Variants in TYW1B observed in about 807,000 individuals in gnomAD.
TYW1B encodes S-adenosyl-L-methionine-dependent tRNA 4-demethylwyosine synthase TYW1B.
Under a neutral mutation model 86.9 loss-of-function variants are expected in TYW1B, and 73 were observed. That is an observed-to-expected ratio of 0.84 (90% CI 0.70 to 1.02). The LOEUF is 1.02. TYW1B is among the 50% of genes least tolerant of loss of function. The probability of loss-of-function intolerance (pLI) is 0.00; values close to 1 mark genes in which losing one functional copy is unlikely to be tolerated. For synonymous variants in TYW1B, 248 were observed against 292.8 expected (o/e 0.85, Z 1.56); for missense variants, 637 against 827.4 (o/e 0.77, Z 2.82).
chr7:72,611,633 A>G (rs1811935630), intron 13 of TYW1B, among the ~76,000 whole-genome samples: 1 of 152,186 alleles, frequency 6.6e-6, no homozygotes, highest in South Asian at 2.1e-4. Context: ...AGTCTCGGGT[A>G]TGTCTTTATC....
rs782750618 is a variant in TYW1B at position 72,758,477 on chromosome 7, TTC to T, written c.965-13878_965-13877del. Among the ~76,000 whole-genome samples, 17 of 152,238 alleles carry T rather than the reference TTC, an allele frequency of 1.1e-4. No individual in the cohort carries two copies. In the South Asian group the frequency reaches 2.1e-3, roughly 19 times the overall value. Reference sequence around the variant, plus strand: ...ATTTTTTTCTCTTAGAAAAAAATTTTTCTCTCTCTGTTTGTTATCTGGTTCAC... The same window carrying T: ...ATTTTTTTCTCTTAGAAAAAAATTTTTCTCTCTGTTTGTTATCTGGTTCAC... On this transcript the variant is annotated intron_variant, in intron 7 of 13. Coordinates refer to ENST00000620995, the MANE Select transcript of TYW1B (RefSeq NM_001145440.3).
At chr7:72,741,151 A>G (rs768852373) in intron 8 of TYW1B, among the ~76,000 whole-genome samples, 1 of 152,140 alleles carries the variant, frequency 6.6e-6, no homozygotes, top group Non-Finnish European at 1.5e-5. Context: ...CATTAGACCA[A>G]CTAAAAAAAT....
At position 72,612,084 on chromosome 7, in the gene TYW1B, C is replaced by T. The variant is rs1470465593; in HGVS notation, c.1785+4588G>A. On this transcript the variant is annotated intron_variant, in intron 13 of 13. Coordinates refer to ENST00000620995, the MANE Select transcript of TYW1B (RefSeq NM_001145440.3). ...CTTTCTCGATGGGTTCTCGCTCTGTCGCCCAGGCTGGAATCCTTCTAGGTA... is the reference window on the plus strand; with the variant it reads ...CTTTCTCGATGGGTTCTCGCTCTGTTGCCCAGGCTGGAATCCTTCTAGGTA... Among the ~76,000 whole-genome samples, 8 of 151,944 alleles carry T rather than the reference C, an allele frequency of 5.3e-5. No individual in the cohort carries two copies. In the South Asian group the frequency reaches 1.0e-3, roughly 20 times the overall value.
At chr7:72,609,210 T>C (rs1811873790) in intron 13 of TYW1B, among the ~76,000 whole-genome samples, 1 of 152,182 alleles carries the variant, frequency 6.6e-6, no homozygotes, top group Non-Finnish European at 1.5e-5. Flanking sequence ...AAGTAGTCCT[T>C]CATTCAACAT....
intron 13 of TYW1B, among the ~76,000 whole-genome samples, chr7:72,605,414 CGCAATCTCGGCTCACT>C: frequency 6.6e-6 from 1 of 150,444 alleles, no homozygotes; most frequent in East Asian, 2.0e-4. Flanking sequence ...AGTGCAGTGG[CGCAATCTCGGCTCACT>C]GCAATCTCCG....
At chr7:72,719,051 T>C (rs1173683111) in intron 9 of TYW1B, among the ~76,000 whole-genome samples, 1 of 152,166 alleles carries the variant, frequency 6.6e-6, no homozygotes. Flanking sequence ...ATAAGCTACA[T>C]GAAATACTTA....
At chr7:72,737,302 C>T (rs1554461147) in intron 8 of TYW1B, among the ~76,000 whole-genome samples, 1 of 152,170 alleles carries the variant, frequency 6.6e-6, no homozygotes, top group African/African-American at 2.4e-5. Context: ...CATATTAGTC[C>T]TTCTTTACCA....
In TYW1B at chr7:72,575,162, A is replaced by C; in HGVS notation, c.*336T>G. 9.2e-7 allele frequency: 1 copy of C among 1,091,800 alleles called. No homozygotes were observed. Among genetic ancestry groups the C allele is most frequent in the Non-Finnish European group, 1.1e-6 (1 of 896,682 alleles). 67.6% of individuals were successfully genotyped at this position (1,091,800 alleles called of 1,614,324 possible). A position where few individuals can be genotyped will look rare whatever the true frequency, so the allele number is the denominator to read the frequency against. On this transcript the variant is annotated 3_prime_UTR_variant, in exon 14 of 14. Transcript: ENST00000620995. ...CCCAGGGATTTCTTCCTTGTCTGAC[A>C]CTCTCAGGACTAGCATTCTGGCAGG...
chr7:72,708,957 A>T (rs1313822960), intron 10 of TYW1B, among the ~76,000 whole-genome samples: 1 of 152,184 alleles, frequency 6.6e-6, no homozygotes. Context: ...TAGATAATTC[A>T]CATCTTTCAT....
intron 7 of TYW1B, among the ~76,000 whole-genome samples, chr7:72,758,781 T>C (rs948165471): frequency 3.9e-5 from 6 of 152,206 alleles, no homozygotes; most frequent in African/African-American, 7.2e-5. Context: ...TTTTCTAGTA[T>C]AAAGAAAAGT....
chr7:72,575,693 T>C lies in TYW1B; in HGVS notation c.1812A>G (p.Thr604=), dbSNP rs781847847. Residue 604 remains threonine, a synonymous_variant, in exon 14 of 14, where the codon ACA becomes ACG. Coordinates refer to ENST00000620995, the MANE Select transcript of TYW1B (RefSeq NM_001145440.3). ...CCTGGAAGCGGTTATAATCGATCCA[T>C]GTCCACCATTCACCACCAATTTTAA... ...RKFKIGGEWW[T]WIDYNRFQEL... 10 of 1,608,960 alleles carry C rather than the reference T, an allele frequency of 6.2e-6. No homozygotes were observed. Among genetic ancestry groups the C allele is most frequent in the East Asian group, 2.2e-5 (1 of 44,780 alleles).
intron 13 of TYW1B, among the ~76,000 whole-genome samples, chr7:72,597,571 A>G (rs1315829679): frequency 1.3e-5 from 2 of 151,890 alleles, no homozygotes; most frequent in African/African-American, 4.8e-5. Context: ...CTATGGCGGT[A>G]CCACCCTGAA....
intron 6 of TYW1B, among the ~76,000 whole-genome samples, chr7:72,799,500 C>G (rs1324748454): frequency 6.6e-6 from 1 of 150,668 alleles, no homozygotes. Flanking sequence ...GAGTCTCGCT[C>G]TGTCACCCAG....
At chr7:72,809,801 C>T (rs1309007263) in intron 4 of TYW1B, among the ~76,000 whole-genome samples, 4 of 152,022 alleles carry the variant, frequency 2.6e-5, no homozygotes, top group Non-Finnish European at 4.4e-5. Context: ...GGAGTTCAAA[C>T]AGCTTGGCCA....
intron 11 of TYW1B, among the ~76,000 whole-genome samples, chr7:72,666,784 C>A (rs1813472151): frequency 6.6e-6 from 1 of 152,076 alleles, no homozygotes; most frequent in Non-Finnish European, 1.5e-5. Flanking sequence ...GTAACCCCAG[C>A]ACTTTGGGAG....
intron 13 of TYW1B, among the ~76,000 whole-genome samples, chr7:72,587,553 G>A (rs1280537186): frequency 6.6e-6 from 1 of 152,056 alleles, no homozygotes; most frequent in African/African-American, 2.4e-5. Context: ...GTGGCCACAA[G>A]ATCAGATGAG....
chr7:72,716,136 A>C (rs1554455920), intron 9 of TYW1B, among the ~76,000 whole-genome samples: 1 of 152,068 alleles, frequency 6.6e-6, no homozygotes, highest in Non-Finnish European at 1.5e-5. Flanking sequence ...ATGGGGTTTC[A>C]CCATGTTGGC....
rs187188300 is a variant in TYW1B at position 72,640,587 on chromosome 7, C to T, written c.1507-11590G>A. Reference sequence around the variant, plus strand: ...CTTTAAGATGAGAAGGTGAGAAGGGCATTATAAAAAGGCCGATTCACCAAA... The same window carrying T: ...CTTTAAGATGAGAAGGTGAGAAGGGTATTATAAAAAGGCCGATTCACCAAA... On this transcript the variant is annotated intron_variant, in intron 11 of 13. Transcript: ENST00000620995. 4.6e-5 allele frequency among the ~76,000 whole-genome samples: 7 copies of T among 151,340 alleles called. No individual in the cohort carries two copies. The East Asian group carries it at 1.2e-3, about 25-fold the overall frequency.
chr7:72,703,010 A>G (rs1427709383), intron 10 of TYW1B, among the ~76,000 whole-genome samples: 2 of 30,368 alleles, frequency 6.6e-5, no homozygotes, highest in Non-Finnish European at 1.5e-4. Context: ...ATATATATAT[A>G]TATATATATA....
Sources: allele counts gnomAD v4.1 joint callset (sites outside exome capture counted in the v4.1 genomes callset), GRCh38; gene constraint gnomAD v4.1.1; transcripts MANE v1.5; gene names NCBI Gene and HGNC (gene_info 2026-07-23, HGNC 2026-07-21).